TTLL11: variants seen among roughly 807,000 people sequenced by gnomAD.
TTLL11 encodes the protein tubulin polyglutamylase TTLL11.
Under a neutral mutation model 51.7 loss-of-function variants are expected in TTLL11, and 42 were observed. The ratio of observed to expected loss-of-function variants is 0.81; its 90% confidence interval spans 0.64 to 1.05. TTLL11 has a LOEUF of 1.05. Among genes scored for constraint, TTLL11 ranks in the 50% least tolerant of loss-of-function variants. TTLL11 has a pLI of 0.00. For synonymous variants in TTLL11, 381 were observed against 383.5 expected, an observed-to-expected ratio of 0.99 and a Z score of 0.08; for missense variants, 799 against 940.4, an observed-to-expected ratio of 0.85 and a Z score of 1.97.
At chr9:122,028,164 A>G (rs1844409441) in intron 3 of TTLL11, among the ~76,000 whole-genome samples, 1 of 152,206 alleles carries the variant, frequency 6.6e-6, no homozygotes, top group Non-Finnish European at 1.5e-5. Flanking sequence ...GAAAGAAGAG[A>G]TAAAATAAAA....
chr9:122,019,603 C>T (rs1218232534), intron 3 of TTLL11, among the ~76,000 whole-genome samples: 2 of 152,246 alleles, frequency 1.3e-5, no homozygotes, highest in East Asian at 1.9e-4. Flanking sequence ...ACACATACCA[C>T]CACACCCGGT....
chr9:122,043,842 A>T (rs56298287), intron 1 of TTLL11, among the ~76,000 whole-genome samples: 2,663 of 151,628 alleles, frequency 0.018, 32 homozygotes, highest in African/African-American at 0.031. Context: ...ATATATATAT[A>T]TTTTTTTCTT....
intron 6 of TTLL11, among the ~76,000 whole-genome samples, chr9:121,945,105 G>A (rs1363483483): frequency 2.6e-5 from 4 of 152,176 alleles, no homozygotes; most frequent in African/African-American, 4.8e-5. Flanking sequence ...CTCCCTAAGC[G>A]CTGAGTGACA....
At chr9:121,933,826 A>T (rs1325656318) in intron 6 of TTLL11, among the ~76,000 whole-genome samples, 1 of 152,226 alleles carries the variant, frequency 6.6e-6, no homozygotes, top group Non-Finnish European at 1.5e-5. Context: ...TATATGAAGA[A>T]AATCAGGCAT....
chr9:121,966,848 T>A (rs1420136881), intron 6 of TTLL11, among the ~76,000 whole-genome samples: 1 of 152,176 alleles, frequency 6.6e-6, no homozygotes, highest in Non-Finnish European at 1.5e-5. Flanking sequence ...GGCAGAACCA[T>A]TATGTCCACA....
At chr9:121,835,244 C>A (rs980769012) in intron 8 of TTLL11, among the ~76,000 whole-genome samples, 2 of 152,186 alleles carry the variant, frequency 1.3e-5, no homozygotes, top group African/African-American at 4.8e-5. Context: ...TCGGCATTAC[C>A]ATGTCCTACT....
chr9:122,007,401 GGAGGCAGAGGTTGCAGT>G (rs1046528280), intron 3 of TTLL11, among the ~76,000 whole-genome samples: 2 of 151,516 alleles, frequency 1.3e-5, no homozygotes, highest in East Asian at 1.9e-4. Flanking sequence ...CTTGAACCCG[GGAGGCAGAGGTTGCAGT>G]GAGCCAAGAT....
intron 3 of TTLL11, among the ~76,000 whole-genome samples, chr9:122,020,356 C>T (rs1182087783): frequency 6.6e-6 from 1 of 152,214 alleles, no homozygotes; most frequent in Non-Finnish European, 1.5e-5. Flanking sequence ...CCCTGCTCCC[C>T]ATCACCAACA....
At chr9:121,945,254 G>T (rs1191257602) in intron 6 of TTLL11, among the ~76,000 whole-genome samples, 1 of 152,138 alleles carries the variant, frequency 6.6e-6, no homozygotes, top group African/African-American at 2.4e-5. Flanking sequence ...AAATACATGG[G>T]TTAATAATAT....
chr9:121,860,757 T>A (rs1296021202), intron 7 of TTLL11, among the ~76,000 whole-genome samples: 1 of 152,182 alleles, frequency 6.6e-6, no homozygotes, highest in Non-Finnish European at 1.5e-5. Flanking sequence ...TCACCAGACA[T>A]CAGATCTACC....
intron 4 of TTLL11, among the ~76,000 whole-genome samples, chr9:121,984,993 C>T (rs537706269): frequency 1.4e-4 from 22 of 152,298 alleles, no homozygotes; most frequent in Admixed American, 9.8e-4. Context: ...AGGGAAGCCA[C>T]GTTCCTCAGC....
chr9:121,931,107 C>T (rs1185531362), intron 6 of TTLL11, among the ~76,000 whole-genome samples: 1 of 152,226 alleles, frequency 6.6e-6, no homozygotes, highest in African/African-American at 2.4e-5. Flanking sequence ...ATGAGCTCTC[C>T]CTGCTCAGTC....
chr9:121,999,277 A>T (rs1032144526), intron 3 of TTLL11, among the ~76,000 whole-genome samples: 7 of 152,196 alleles, frequency 4.6e-5, no homozygotes, highest in African/African-American at 1.7e-4. Context: ...CCAAAAGCAG[A>T]TAACTCCCCA....
At chr9:122,063,405 T>C (rs1192536751) in intron 1 of TTLL11, among the ~76,000 whole-genome samples, 1 of 152,094 alleles carries the variant, frequency 6.6e-6, no homozygotes, top group Non-Finnish European at 1.5e-5. Flanking sequence ...AACATATCAG[T>C]GAAAATTATA....
At chr9:121,880,014 G>A (rs1482628071) in intron 6 of TTLL11, among the ~76,000 whole-genome samples, 1 of 152,058 alleles carries the variant, frequency 6.6e-6, no homozygotes, top group Non-Finnish European at 1.5e-5. Context: ...GAAAAAAAAT[G>A]ACACAGCTAT....
intron 3 of TTLL11, 57 bp downstream of exon 3, chr9:122,031,666 G>T: frequency 6.3e-7 from 1 of 1,585,336 alleles, no homozygotes; most frequent in East Asian, 2.2e-5. Context: ...ACAGGACCCA[G>T]GACACAGTTG....
intron 6 of TTLL11, among the ~76,000 whole-genome samples, chr9:121,951,388 A>G (rs573073612): frequency 6.6e-6 from 1 of 152,358 alleles, no homozygotes; most frequent in East Asian, 1.9e-4. Flanking sequence ...GAGAGCAGTG[A>G]CCATATTGTA....
intron 6 of TTLL11, among the ~76,000 whole-genome samples, chr9:121,880,345 C>T (rs7033043): frequency 0.6 from 91,020 of 151,914 alleles, 27,795 homozygotes; most frequent in East Asian, 0.85. Context: ...TCCACATCCA[C>T]ATCCCTCCCT....
chr9:122,055,196 A>G (rs1292914810), intron 1 of TTLL11, among the ~76,000 whole-genome samples: 2 of 82,114 alleles, frequency 2.4e-5, no homozygotes, highest in African/African-American at 9.0e-5. Context: ...GAAAGACAGG[A>G]CTAATAGGAT....
Sources: allele counts gnomAD v4.1 joint callset (sites outside exome capture counted in the v4.1 genomes callset), GRCh38; gene constraint gnomAD v4.1.1; transcripts MANE v1.5; gene names NCBI Gene and HGNC (gene_info 2026-07-23, HGNC 2026-07-21).